Variants in UNC45B observed in about 807,000 individuals in gnomAD.
UNC45B encodes protein unc-45 homolog B.
A neutral mutation model predicts 98.7 loss-of-function variants in UNC45B; 78 were observed. The ratio of observed to expected loss-of-function variants is 0.79; its 90% CI spans 0.66 to 0.95. The LOEUF is 0.95. Ranked by LOEUF, UNC45B falls within the 40% of genes least tolerant of loss-of-function variation. The pLI is 0.00. For missense variants in UNC45B, 1,225 were observed against 1,184.9 expected (o/e 1.03, Z -0.50); for synonymous variants, 462 against 480.4 (o/e 0.96, Z 0.50).
At chr17:35,170,308 G>C in intron 12 of UNC45B, 53 bp downstream of exon 12, 1 of 1,526,948 alleles carries the variant, frequency 6.5e-7, no homozygotes, top group South Asian at 1.2e-5. Context: ...GGTCTGCTGG[G>C]TCCAGACCCA....
intron 7 of UNC45B, among the ~76,000 whole-genome samples, 190 bp from the exon 8 acceptor site, chr17:35,159,185 G>A (rs558787513): frequency 5.7e-4 from 87 of 152,236 alleles, no homozygotes; most frequent in Non-Finnish European, 6.5e-4. Context: ...GGACCACTTG[G>A]GGGTGTTGTC....
At chr17:35,184,241 G>C (rs778375566) in intron 19 of UNC45B, among the ~76,000 whole-genome samples, 13 of 152,204 alleles carry the variant, frequency 8.5e-5, no homozygotes, top group Non-Finnish European at 1.6e-4. Flanking sequence ...AAGTTCCAAG[G>C]GGGGTTACGT....
At chr17:35,163,368 G>A (rs1237749304) in intron 8 of UNC45B, among the ~76,000 whole-genome samples, 1 of 152,114 alleles carries the variant, frequency 6.6e-6, no homozygotes, top group Non-Finnish European at 1.5e-5. Flanking sequence ...CCCCAAAGGT[G>A]CTCATTTATT....
At chr17:35,186,235 AACACAT>A in intron 19 of UNC45B, 58 bp from the exon 20 acceptor site, 1 of 1,581,638 alleles carries the variant, frequency 6.3e-7, no homozygotes, top group South Asian at 1.2e-5. Flanking sequence ...CCACATTTCC[AACACAT>A]GAACTCTGGG....
In UNC45B at chr17:35,171,248, G is replaced by A. The variant is rs141531662; in HGVS notation, c.1690-74G>A. On this transcript the variant is annotated intron_variant, in intron 12 of 19. Transcript: ENST00000394570. Reference sequence around the variant, plus strand: ...ACACCAACCTGCCGGCCACGTGAGGGAGCATCCTGGAAGCAGAGGTTTGTC... The same window carrying A: ...ACACCAACCTGCCGGCCACGTGAGGAAGCATCCTGGAAGCAGAGGTTTGTC... The A allele has an allele frequency of 5.8e-4, 912 of 1,571,578 alleles. 3 individuals carry two copies. In the South Asian group the frequency reaches 5.9e-3, roughly 10 times the overall value.
At chr17:35,176,110 G>A (rs1408702315) in intron 15 of UNC45B, 76 bp downstream of exon 15, 10 of 1,451,348 alleles carry the variant, frequency 6.9e-6, no homozygotes, top group African/African-American at 1.4e-5. Flanking sequence ...TGTACCCTCT[G>A]CCCCAACTCG....
At chr17:35,176,366 GCTT>G (rs1452645640) in intron 15 of UNC45B, among the ~76,000 whole-genome samples, 1 of 152,108 alleles carries the variant, frequency 6.6e-6, no homozygotes, top group Non-Finnish European at 1.5e-5. Flanking sequence ...CCCAGCCACA[GCTT>G]CTTCATCTGT....
At chr17:35,161,847 G>A (rs1189297341) in intron 8 of UNC45B, among the ~76,000 whole-genome samples, 2 of 152,086 alleles carry the variant, frequency 1.3e-5, no homozygotes, top group Non-Finnish European at 2.9e-5. Context: ...AGGGGCTGGA[G>A]GTGGGATTCA....
In UNC45B at chr17:35,168,211, C is replaced by T. The variant is rs113010242; in HGVS notation, c.1302C>T (p.Arg434=). 114 of 1,596,180 alleles carry T rather than the reference C, an allele frequency of 7.1e-5. No individual in the cohort carries two copies. The highest frequency in any genetic ancestry group is 1.7e-4 in the Admixed American group (10 of 58,238). ...TGGTGGCACTATGTGGCTCAGAGCG[C>T]GAGACGGACCAGCTGGTGGCCGTGG... is the stretch of plus-strand genomic sequence containing the variant. ...EMMVALCGSE[R]ETDQLVAVEA... is the part of the protein sequence containing the mutation. Residue 434 remains arginine, a synonymous_variant, in exon 10 of 20, where the codon CGC becomes CGT. Coordinates refer to ENST00000394570, the MANE Select transcript of UNC45B (RefSeq NM_001267052.2).
At position 35,168,209 on chromosome 17, in the gene UNC45B, C is replaced by G; in HGVS notation, c.1300C>G (p.Arg434Gly). 6.3e-7 allele frequency: 1 copy of G among 1,598,244 alleles called. No homozygotes were observed. The highest frequency in any genetic ancestry group is 8.5e-7 in the Non-Finnish European group (1 of 1,171,626). ...GATGGTGGCACTATGTGGCTCAGAG[C>G]GCGAGACGGACCAGCTGGTGGCCGT... is the stretch of plus-strand genomic sequence containing the variant. The part of the protein sequence containing the change: ...EMMVALCGSE[R>G]ETDQLVAVEA... The change falls in exon 10 of 20, where the codon CGC becomes GGC. Residue 434 changes from arginine (R) to glycine (G), a missense_variant. Arg to Gly is a moderately radical substitution (Grantham distance 125). Transcript: ENST00000394570.
At chr17:35,183,332 G>C in intron 18 of UNC45B, 95 bp from the exon 19 acceptor site, 5 of 1,346,504 alleles carry the variant, frequency 3.7e-6, no homozygotes, top group Non-Finnish European at 4.8e-6. Context: ...AACTCTAAGA[G>C]ATCTTGGGTC....
At chr17:35,176,916 TG>T in intron 15 of UNC45B, 100 bp from the exon 16 acceptor site, 1 of 858,938 alleles carries the variant, frequency 1.2e-6, no homozygotes, top group Non-Finnish European at 1.9e-6. Context: ...AGAATTTTCC[TG>T]GACCTCCCAT....
intron 9 of UNC45B, among the ~76,000 whole-genome samples, chr17:35,166,086 TAAAAA>T (rs55844448): frequency 6.9e-5 from 4 of 58,114 alleles, no homozygotes; most frequent in East Asian, 5.5e-4. Flanking sequence ...CCCTCATCTC[TAAAAA>T]AAAAAAAAAA....
intron 9 of UNC45B, 123 bp from the exon 10 acceptor site, chr17:35,167,938 A>G: frequency 1.1e-6 from 1 of 907,012 alleles, no homozygotes. Flanking sequence ...TGAATTGCCC[A>G]ATATCACACA....
intron 4 of UNC45B, among the ~76,000 whole-genome samples, chr17:35,152,352 G>T (rs572632792): frequency 6.6e-6 from 1 of 152,320 alleles, no homozygotes; most frequent in East Asian, 1.9e-4. Flanking sequence ...GCGGAGTGAA[G>T]GATGATGATC....
intron 13 of UNC45B, 38 bp from the exon 14 acceptor site, chr17:35,174,204 C>T: frequency 6.2e-7 from 1 of 1,613,660 alleles, no homozygotes; most frequent in Non-Finnish European, 8.5e-7. Context: ...GCCTGGCACC[C>T]AGGACCCTCC....
rs2092154582 is a variant in UNC45B at position 35,168,159 on chromosome 17, T to C, written c.1250T>C (p.Leu417Pro). Residue 417 changes from leucine (L) to proline (P), a missense_variant, in exon 10 of 20, where the codon CTG becomes CCG. Coordinates refer to ENST00000394570, the MANE Select transcript of UNC45B (RefSeq NM_001267052.2). ...QGPFDLGNQL[L>P]GLKGVMEMMV... ...CCCTTTGACCTGGGCAACCAGCTGC[T>C]GGGACTGAAAGGTGTGATGGAGATG... 4 of 1,606,140 alleles carry C rather than the reference T, an allele frequency of 2.5e-6. No homozygotes were observed. Among genetic ancestry groups the C allele is most frequent in the Non-Finnish European group, 3.4e-6 (4 of 1,175,868 alleles).
intron 10 of UNC45B, among the ~76,000 whole-genome samples, chr17:35,168,607 A>G (rs568407324): frequency 1.3e-5 from 2 of 152,326 alleles, no homozygotes; most frequent in African/African-American, 4.8e-5. Context: ...GAACAACATG[A>G]ACACTGAGGA....
chr17:35,157,289 G>A (rs1376030725), intron 7 of UNC45B, among the ~76,000 whole-genome samples: 1 of 151,860 alleles, frequency 6.6e-6, no homozygotes, highest in African/African-American at 2.4e-5. Flanking sequence ...GCCCAGGCTG[G>A]AGTGCGGTGG....
Sources: gnomAD v4.1 joint callset for allele counts (sites outside exome capture counted in the v4.1 genomes callset) on GRCh38, gnomAD v4.1.1 for gene constraint, MANE v1.5 for transcripts, NCBI Gene and HGNC (gene_info 2026-07-23, HGNC 2026-07-21) for gene names.